Variants in TYW1 observed in about 807,000 individuals in gnomAD.
The protein encoded by TYW1 is tRNA-yW synthesizing protein 1 homolog.
Under a neutral mutation model 96.2 loss-of-function variants are expected in TYW1, and 46 were observed. The ratio of observed to expected loss-of-function variants is 0.48; its 90% CI spans 0.38 to 0.61. TYW1 has a LOEUF of 0.61. TYW1 is among the 20% of genes least tolerant of loss of function. TYW1 has a pLI of 0.00. For missense variants in TYW1, 684 were observed against 909.6 expected (o/e 0.75, Z 3.19); for synonymous variants, 274 against 323.0 (o/e 0.85, Z 1.63).
intron 3 of TYW1, among the ~76,000 whole-genome samples, chr7:67,001,299 A>G (rs1793379750): frequency 6.6e-6 from 1 of 152,046 alleles, no homozygotes; most frequent in African/African-American, 2.4e-5. Flanking sequence ...AACAGCCCTC[A>G]AGTCTCAGTG....
Position 67,014,404 on chromosome 7 carries a change from C to G in TYW1, c.413C>G (p.Thr138Arg). Residue 138 changes from threonine to arginine, a missense_variant, in exon 5 of 16, where the codon ACA (threonine) becomes AGA (arginine). Physicochemically the swap from Thr to Arg is moderately conservative, Grantham distance 71 (BLOSUM62 -1). Transcript: ENST00000359626. ...AATGTCTGTGTCTTCCTGGTTGCGA[C>G]ATACACTGACGGCCTACCAACTGAA... The part of the protein sequence containing the change: ...SKNVCVFLVA[T>R]YTDGLPTESA... 1 of 1,613,424 alleles carries G rather than the reference C, an allele frequency of 6.2e-7. No homozygotes were observed. The highest frequency in any genetic ancestry group is 1.1e-5 in the South Asian group (1 of 90,948).
intron 13 of TYW1, among the ~76,000 whole-genome samples, chr7:67,128,890 T>C (rs1434698085): frequency 1.3e-5 from 2 of 152,058 alleles, no homozygotes; most frequent in Non-Finnish European, 2.9e-5. Flanking sequence ...GGTTTTACCA[T>C]GTTGGGCAGG....
At chr7:67,084,239 G>A (rs181288722) in intron 11 of TYW1, among the ~76,000 whole-genome samples, 5 of 148,738 alleles carry the variant, frequency 3.4e-5, no homozygotes, top group East Asian at 1.9e-4. Context: ...TGGGAAAACC[G>A]TTTTGAATGA....
chr7:67,063,063 T>A (rs28857233), intron 9 of TYW1, among the ~76,000 whole-genome samples: 36,769 of 150,540 alleles, frequency 0.24, 4,737 homozygotes, highest in African/African-American at 0.32. Flanking sequence ...ATGAGCAAAT[T>A]GAATTCAGCC....
intron 15 of TYW1, among the ~76,000 whole-genome samples, chr7:67,213,737 A>T (rs186985669): frequency 5.3e-5 from 8 of 152,372 alleles, no homozygotes; most frequent in African/African-American, 1.9e-4. Flanking sequence ...GCATGTGGAC[A>T]TCCAATTGTT....
chr7:67,236,989 G>T (rs986745899), intron 15 of TYW1, among the ~76,000 whole-genome samples: 2 of 152,050 alleles, frequency 1.3e-5, no homozygotes, highest in African/African-American at 4.8e-5. Flanking sequence ...AGGTTCAAGC[G>T]ATTCTCCTGC....
chr7:67,195,082 T>A, intron 14 of TYW1, 88 bp from the exon 15 acceptor site: 1 of 1,499,666 alleles, frequency 6.7e-7, no homozygotes, highest in South Asian at 1.3e-5. Context: ...TTGGTTGACC[T>A]CAAGAAGGTT....
At chr7:67,116,753 A>G (rs141232759) in intron 12 of TYW1, among the ~76,000 whole-genome samples, 5,111 of 152,222 alleles carry the variant, frequency 0.034, 254 homozygotes, top group African/African-American at 0.12. Flanking sequence ...GGTAGGAATG[A>G]AATTATGAAA....
intron 10 of TYW1, among the ~76,000 whole-genome samples, chr7:67,075,217 A>T (rs917115944): frequency 6.6e-5 from 10 of 152,172 alleles, no homozygotes; most frequent in Non-Finnish European, 1.5e-4. Flanking sequence ...TAGATACCAC[A>T]TATTTACCAT....
intron 15 of TYW1, among the ~76,000 whole-genome samples, chr7:67,226,342 T>C (rs1441438664): frequency 2.6e-5 from 4 of 152,194 alleles, no homozygotes; most frequent in Non-Finnish European, 5.9e-5. Flanking sequence ...GTCATGCAGC[T>C]GGAGGCTACA....
chr7:67,093,443 C>T (rs1417899909), intron 11 of TYW1, among the ~76,000 whole-genome samples: 1 of 152,178 alleles, frequency 6.6e-6, no homozygotes, highest in Non-Finnish European at 1.5e-5. Flanking sequence ...ATCTGAATCC[C>T]AGTGGCCAGG....
At chr7:67,159,961 C>T (rs1278383481) in intron 13 of TYW1, among the ~76,000 whole-genome samples, 1 of 138,190 alleles carries the variant, frequency 7.2e-6, no homozygotes, top group African/African-American at 3.0e-5. Context: ...CCACCACGCC[C>T]GGCTAATGTT....
At chr7:67,234,388 C>T (rs1351649977) in intron 15 of TYW1, among the ~76,000 whole-genome samples, 4 of 149,632 alleles carry the variant, frequency 2.7e-5, no homozygotes, top group African/African-American at 4.9e-5. Flanking sequence ...CATGAGAGGG[C>T]CCAAGTCACT....
chr7:67,035,596 G>GTATA (rs1475884778), intron 7 of TYW1, among the ~76,000 whole-genome samples: 1 of 152,104 alleles, frequency 6.6e-6, no homozygotes, highest in Non-Finnish European at 1.5e-5. Flanking sequence ...ATACTCAAGG[G>GTATA]TATAGTTCAT....
At chr7:67,158,924 A>C (rs953705957) in intron 13 of TYW1, among the ~76,000 whole-genome samples, 4 of 152,216 alleles carry the variant, frequency 2.6e-5, no homozygotes, top group African/African-American at 9.7e-5. Context: ...TTTCTTGATT[A>C]GCCTGGCTAG....
intron 11 of TYW1, among the ~76,000 whole-genome samples, chr7:67,093,705 A>G (rs1008971047): frequency 3.3e-5 from 5 of 152,246 alleles, no homozygotes; most frequent in African/African-American, 1.2e-4. Context: ...TTATTCATCC[A>G]TCCAAAAATA....
intron 15 of TYW1, among the ~76,000 whole-genome samples, chr7:67,200,294 G>A (rs1424087479): frequency 2.0e-5 from 3 of 152,048 alleles, no homozygotes; most frequent in Admixed American, 2.0e-4. Context: ...AATGGTCCCT[G>A]TATTTGTCCG....
At chr7:67,199,995 G>A (rs1482563677) in intron 15 of TYW1, among the ~76,000 whole-genome samples, 1 of 152,130 alleles carries the variant, frequency 6.6e-6, no homozygotes, top group Non-Finnish European at 1.5e-5. Context: ...GAACTTAGAA[G>A]GGAACCTGAA....
intron 10 of TYW1, among the ~76,000 whole-genome samples, chr7:67,069,376 T>C (rs1795965351): frequency 6.6e-6 from 1 of 152,202 alleles, no homozygotes; most frequent in Non-Finnish European, 1.5e-5. Context: ...CCCATTAACA[T>C]AGATTTATAA....
Sources: gnomAD v4.1 joint callset for allele counts (sites outside exome capture counted in the v4.1 genomes callset) on GRCh38, gnomAD v4.1.1 for gene constraint, MANE v1.5 for transcripts, NCBI Gene and HGNC (gene_info 2026-07-23, HGNC 2026-07-21) for gene names.